Variants in GPRC5C observed in about 807,000 individuals in gnomAD.
The protein encoded by GPRC5C is G protein-coupled receptor class C group 5 member C.
A neutral mutation model predicts 31.4 loss-of-function variants in GPRC5C; 22 were observed. The ratio of observed to expected loss-of-function variants is 0.70; its 90% CI spans 0.50 to 1.00. GPRC5C has a LOEUF of 1.00. GPRC5C is among the 50% of genes least tolerant of loss of function. The pLI, the probability that GPRC5C is intolerant of heterozygous loss-of-function variation, is 0.00. For missense variants in GPRC5C, 557 were observed against 597.2 expected (o/e 0.93, Z 0.70); for synonymous variants, 249 against 257.5 (o/e 0.97, Z 0.32).
Position 74,439,968 on chromosome 17 carries a change from GT to G in GPRC5C, c.195del (p.Phe65LeufsTer45), listed in dbSNP as rs1567959383. On this transcript the variant is annotated frameshift_variant, in exon 2 of 4. Coordinates refer to ENST00000392627, the MANE Select transcript of GPRC5C (RefSeq NM_022036.4). LOFTEE classifies it high-confidence loss of function. ...TGGCTGGGGCGGGCATTGTCACCAC[GT>G]TTGTGCTCACCATCATCCTGGTGGC... Reference protein sequence around the residue: ...AVAGAGIVTTFVLTIILVASL... With the variant: ...AVAGAGIVTTXVLTIILVASL... 5 of 1,610,340 alleles carry G rather than the reference GT, an allele frequency of 3.1e-6. No homozygotes were observed. Among genetic ancestry groups the G allele is most frequent in the Non-Finnish European group, 4.2e-6 (5 of 1,180,004 alleles).
intron 1 of GPRC5C, among the ~76,000 whole-genome samples, chr17:74,432,715 G>GT (rs2055373606): frequency 2.0e-5 from 3 of 152,006 alleles, no homozygotes; most frequent in Admixed American, 6.5e-5. Context: ...CCGGCGCTGC[G>GT]GCTCGGGCTG....
downstream of GPRC5C, chr17:74,449,809 C>T (rs2055695407): frequency 5.9e-6 from 1 of 168,776 alleles, no homozygotes; most frequent in African/African-American, 2.4e-5. Flanking sequence ...TTGTCCCACC[C>T]TCTGCCTAGA....
downstream of GPRC5C, chr17:74,447,462 C>A: frequency 1.6e-6 from 1 of 623,408 alleles, no homozygotes; most frequent in Non-Finnish European, 2.0e-6. Flanking sequence ...TCTGACCTGG[C>A]CTCCTGGTTT....
intron 3 of GPRC5C, among the ~76,000 whole-genome samples, chr17:74,444,279 C>G (rs937498791): frequency 6.6e-6 from 1 of 152,148 alleles, no homozygotes; most frequent in Non-Finnish European, 1.5e-5. Context: ...CAGCCAGGTG[C>G]TCCCAAAATA....
chr17:74,442,228 G>C (rs1056360028), intron 2 of GPRC5C, among the ~76,000 whole-genome samples: 9 of 152,232 alleles, frequency 5.9e-5, no homozygotes, highest in Non-Finnish European at 8.8e-5. Flanking sequence ...GTCTCGAACT[G>C]CTAACCTCAA....
intron 1 of GPRC5C, 126 bp downstream of exon 1, chr17:74,432,267 A>AAG: frequency 6.7e-7 from 1 of 1,494,184 alleles, no homozygotes. Context: ...TGCAGGCTCC[A>AAG]GCCCACCCTC....
At chr17:74,444,606 C>T (rs535088876) in intron 3 of GPRC5C, among the ~76,000 whole-genome samples, 6 of 152,256 alleles carry the variant, frequency 3.9e-5, no homozygotes, top group Admixed American at 1.3e-4. Flanking sequence ...GTTCTCATCC[C>T]CCTCCCCGCC....
intron 1 of GPRC5C, among the ~76,000 whole-genome samples, chr17:74,437,272 C>T (rs1270819206): frequency 6.6e-6 from 1 of 152,150 alleles, no homozygotes. Flanking sequence ...CTCTTTCCAG[C>T]ACTTGTAAAT....
intron 1 of GPRC5C, among the ~76,000 whole-genome samples, chr17:74,434,077 A>C (rs2055396812): frequency 6.6e-6 from 1 of 152,178 alleles, no homozygotes. Context: ...ACTGACTCAC[A>C]GGAGAGCTGG....
intron 1 of GPRC5C, among the ~76,000 whole-genome samples, chr17:74,439,198 CT>C (rs2055487603): frequency 6.6e-6 from 1 of 152,212 alleles, no homozygotes; most frequent in South Asian, 2.1e-4. Context: ...AAATGACTGT[CT>C]CTTCATTTTT....
At chr17:74,448,215 C>T (rs1212994487), downstream of GPRC5C, among the ~76,000 whole-genome samples, 1 of 152,084 alleles carries the variant, frequency 6.6e-6, no homozygotes, top group Non-Finnish European at 1.5e-5. Flanking sequence ...GTGGGAGGAT[C>T]TCTTAAGCCC....
intron 3 of GPRC5C, 47 bp from the exon 4 acceptor site, chr17:74,446,802 C>T (rs766196792): frequency 1.3e-5 from 19 of 1,479,020 alleles, no homozygotes; most frequent in Non-Finnish European, 1.6e-5. Context: ...CCCGGCGGAA[C>T]CTGGCTCCCA....
intron 2 of GPRC5C, among the ~76,000 whole-genome samples, chr17:74,442,836 G>C (rs887437980): frequency 6.6e-5 from 10 of 152,198 alleles, no homozygotes; most frequent in Non-Finnish European, 1.5e-4. Context: ...TGCATGGCGG[G>C]GGTGGAATTG....
At chr17:74,449,432 GCC>G (rs1198511538), downstream of GPRC5C, 11 of 996,358 alleles carry the variant, frequency 1.1e-5, no homozygotes, top group Middle Eastern at 4.9e-4. Context: ...GCTGGACCGG[GCC>G]CAGCACCTTT....
downstream of GPRC5C, among the ~76,000 whole-genome samples, chr17:74,447,774 C>T (rs1054599839): frequency 8.1e-4 from 3 of 3,722 alleles, no homozygotes; most frequent in Admixed American, 6.1e-3. Context: ...GAGCCTTGAG[C>T]CAGGTGGCTC....
chr17:74,432,293 C>T (rs1443247673), intron 1 of GPRC5C, 152 bp downstream of exon 1: 1 of 1,469,670 alleles, frequency 6.8e-7, no homozygotes, highest in South Asian at 1.4e-5. Context: ...AAGCAAGGAG[C>T]CCTGCCTGGG....
downstream of GPRC5C, among the ~76,000 whole-genome samples, chr17:74,448,586 C>T (rs1439754836): frequency 6.6e-6 from 1 of 152,088 alleles, no homozygotes; most frequent in East Asian, 1.9e-4. Context: ...ACCATGTTGC[C>T]CAGACTGGTC....
intron 1 of GPRC5C, among the ~76,000 whole-genome samples, chr17:74,439,439 G>C (rs553967333): frequency 6.6e-6 from 1 of 152,324 alleles, no homozygotes; most frequent in East Asian, 1.9e-4. Context: ...GTGGCCGCCA[G>C]AGCTCAGGGA....
rs138514322 is a variant in GPRC5C, at chr17:74,443,828, G to A, written c.1062G>A (p.Pro354=). 4.1e-5 allele frequency: 66 copies of A among 1,610,770 alleles called. No individual in the cohort carries two copies. The African/African-American group carries it at 6.8e-4, about 17-fold the overall frequency. ...SMDEPVAAKR[P]VSPYSGYNGQ... ...TGCTTTTCCTTGTAGCTAAGAGGCC[G>A]GTGTCACCATACAGCGGGTACAATG... The change falls in exon 3 of 4, where the codon CCG becomes CCA. Residue 354 remains proline (P), a synonymous_variant. Transcript: ENST00000392627.
Sources: gnomAD v4.1 joint callset for allele counts (sites outside exome capture counted in the v4.1 genomes callset) on GRCh38, gnomAD v4.1.1 for gene constraint, MANE v1.5 for transcripts, NCBI Gene and HGNC (gene_info 2026-07-23, HGNC 2026-07-21) for gene names.